Variants in PPP2CA observed in about 807,000 individuals in gnomAD.
PPP2CA encodes the protein protein phosphatase 2 catalytic subunit alpha.
Under a neutral mutation model 38.8 loss-of-function variants are expected in PPP2CA, and 5 were observed. The observed-to-expected ratio is 0.13, with a 90% CI of 0.07 to 0.27. The LOEUF (loss-of-function observed/expected upper bound fraction) is 0.27. Among genes scored for constraint, PPP2CA ranks in the 10% least tolerant of loss-of-function variants. PPP2CA has a pLI of 1.00. For synonymous variants in PPP2CA, 152 were observed against 134.0 expected (o/e 1.13, Z -0.93); for missense variants, 88 against 389.7 (o/e 0.23, Z 6.52).
chr5:134,201,676 A>G (rs116471898), intron 3 of PPP2CA, among the ~76,000 whole-genome samples, 172 bp downstream of exon 3: 1 of 152,248 alleles, frequency 6.6e-6, no homozygotes, highest in Non-Finnish European at 1.5e-5. Flanking sequence ...CACTTAAAAA[A>G]GTTGGACACA....
chr5:134,225,601 G>T, intron 1 of PPP2CA, 159 bp downstream of exon 1: 1 of 559,198 alleles, frequency 1.8e-6, no homozygotes, highest in Non-Finnish European at 3.0e-6. Flanking sequence ...GGGGGCGCCG[G>T]GTCGTTAGGA....
At chr5:134,205,833 T>G in intron 2 of PPP2CA, 89 bp downstream of exon 2, 1 of 1,157,212 alleles carries the variant, frequency 8.6e-7, no homozygotes, top group Non-Finnish European at 1.2e-6. Context: ...GTTTTAACAT[T>G]CAGATAGAGA....
At chr5:134,210,804 G>A (rs1302488046) in intron 1 of PPP2CA, among the ~76,000 whole-genome samples, 4 of 152,038 alleles carry the variant, frequency 2.6e-5, no homozygotes, top group East Asian at 1.9e-4. Context: ...GTGACAAAGC[G>A]AGACTCCATC....
At position 134,215,757 on chromosome 5, in the gene PPP2CA, G is replaced by A. The variant is rs543925698; in HGVS notation, c.103-9626C>T. Among the ~76,000 whole-genome samples, 106 of 152,120 alleles carry A rather than the reference G, an allele frequency of 7.0e-4. 1 individual carries two copies. The highest frequency in any genetic ancestry group is 3.5e-3 in the South Asian group (17 of 4,812). ...CCTAGCCTCTAATTCTTTAAAGTCCGGTCACCAATGTTTAATGTATACAGT... is the reference window on the plus strand; with the variant it reads ...CCTAGCCTCTAATTCTTTAAAGTCCAGTCACCAATGTTTAATGTATACAGT... On this transcript the variant is annotated intron_variant, in intron 1 of 6. Transcript: ENST00000481195.
At position 134,226,068 on chromosome 5, in the gene PPP2CA, C is replaced by T. The variant is rs868774383; in HGVS notation, c.-207G>A. Reference sequence around the variant, plus strand: ...CTCGCTGAGGCTCCAGAGCTCGGCTCTCTGTAATGGCGGCCGCCGGGCGTG... The same window carrying T: ...CTCGCTGAGGCTCCAGAGCTCGGCTTTCTGTAATGGCGGCCGCCGGGCGTG... On this transcript the variant is annotated 5_prime_UTR_variant, in exon 1 of 7. Transcript: ENST00000481195. 49 of 491,198 alleles carry T rather than the reference C, an allele frequency of 1.0e-4. No homozygotes were observed. In the Middle Eastern group the frequency reaches 3.8e-3, roughly 38 times the overall value. 30.4% of individuals were successfully genotyped at this position (491,198 alleles called of 1,614,324 possible). A position where few individuals can be genotyped will look rare whatever the true frequency, so the allele number is the denominator to read the frequency against.
intron 5 of PPP2CA, chr5:134,199,439 T>A (rs74343557): frequency 5.2e-4 from 131 of 250,536 alleles, no homozygotes; most frequent in Middle Eastern, 2.5e-3. Flanking sequence ...TTTAGTACTT[T>A]AAAAAAAAAA....
chr5:134,225,240 T>A (rs254053), intron 1 of PPP2CA, among the ~76,000 whole-genome samples: 111,999 of 152,100 alleles, frequency 0.74, 41,748 homozygotes, highest in Non-Finnish European at 0.82. Flanking sequence ...CTTGGTGAGT[T>A]TAATACAAAC....
chr5:134,218,707 C>T (rs1472304235), intron 1 of PPP2CA, among the ~76,000 whole-genome samples: 7 of 146,564 alleles, frequency 4.8e-5, no homozygotes, highest in Admixed American at 4.1e-4. Flanking sequence ...GTCTTGCTGT[C>T]GCTTAGGCTG....
chr5:134,199,253 T>A, intron 5 of PPP2CA, 49 bp from the exon 6 acceptor site: 1 of 1,341,594 alleles, frequency 7.5e-7, no homozygotes, highest in Non-Finnish European at 1.1e-6. Context: ...TCAATTCAAC[T>A]AAATGTTACT....
chr5:134,208,289 T>C (rs772073959), intron 1 of PPP2CA, among the ~76,000 whole-genome samples: 2 of 152,224 alleles, frequency 1.3e-5, no homozygotes, highest in South Asian at 4.1e-4. Flanking sequence ...CTGCCTGAAG[T>C]TCCTTACTAC....
chr5:134,220,029 A>T (rs1333902131), intron 1 of PPP2CA, among the ~76,000 whole-genome samples: 2 of 148,166 alleles, frequency 1.3e-5, no homozygotes, highest in Admixed American at 1.4e-4. Flanking sequence ...AAAAAAAAAA[A>T]AAGCAGTTAA....
chr5:134,200,259 A>C, intron 5 of PPP2CA, 76 bp downstream of exon 5: 1 of 1,440,170 alleles, frequency 6.9e-7, no homozygotes, highest in South Asian at 1.5e-5. Context: ...AAATGTCATT[A>C]ATTTAAAACT....
intron 1 of PPP2CA, among the ~76,000 whole-genome samples, chr5:134,220,230 G>A (rs1451228670): frequency 6.6e-6 from 1 of 151,596 alleles, no homozygotes; most frequent in Non-Finnish European, 1.5e-5. Context: ...AGGCTGAGAT[G>A]GGTGGATCAC....
chr5:134,208,963 C>T (rs1462705480), intron 1 of PPP2CA, among the ~76,000 whole-genome samples: 1 of 152,114 alleles, frequency 6.6e-6, no homozygotes, highest in Non-Finnish European at 1.5e-5. Context: ...GGGTGTGAAA[C>T]TACAGCAATA....
Position 134,201,792 on chromosome 5 carries a change from C to G in PPP2CA, c.486+56G>C, listed in dbSNP as rs1206682166. The stretch of plus-strand genomic sequence containing the variant: ...GTGGAAAGAGTCATAAGCACCTGAA[C>G]ACTAAAGAAAGCAGATTCTCTGAAA... On this transcript the variant is annotated intron_variant, in intron 3 of 6. Coordinates refer to ENST00000481195, the MANE Select transcript of PPP2CA (RefSeq NM_002715.4). 4 of 1,557,738 alleles carry G rather than the reference C, an allele frequency of 2.6e-6. No individual in the cohort carries two copies. The African/African-American group carries it at 4.1e-5, about 16-fold the overall frequency.
At chr5:134,203,048 T>C (rs1290905195) in intron 2 of PPP2CA, among the ~76,000 whole-genome samples, 7 of 152,336 alleles carry the variant, frequency 4.6e-5, no homozygotes, top group Admixed American at 3.3e-4. Flanking sequence ...TATTCAAATA[T>C]TTTGCCCATT....
At chr5:134,219,227 C>T (rs534994984) in intron 1 of PPP2CA, among the ~76,000 whole-genome samples, 101 of 152,206 alleles carry the variant, frequency 6.6e-4, no homozygotes, top group African/African-American at 2.0e-3. Flanking sequence ...TAGAGCAAAA[C>T]CAAACTAAGA....
chr5:134,209,034 T>C (rs968557038), intron 1 of PPP2CA, among the ~76,000 whole-genome samples: 2 of 152,210 alleles, frequency 1.3e-5, no homozygotes, highest in East Asian at 1.9e-4. Flanking sequence ...GAGAAGATAC[T>C]ATGAAGTGAA....
chr5:134,217,058 G>A (rs1387682702), intron 1 of PPP2CA, among the ~76,000 whole-genome samples: 2 of 152,198 alleles, frequency 1.3e-5, no homozygotes, highest in African/African-American at 2.4e-5. Context: ...AAGGCAGGCA[G>A]ATCACCTGAG....
Sources: allele counts gnomAD v4.1 joint callset (sites outside exome capture counted in the v4.1 genomes callset), GRCh38; gene constraint gnomAD v4.1.1; transcripts MANE v1.5; gene names NCBI Gene and HGNC (gene_info 2026-07-23, HGNC 2026-07-21).